The following URGCP variants were observed in gnomAD, a reference collection of about 807,000 sequenced individuals.
URGCP encodes the protein up-regulator of cell proliferation.
Under a neutral mutation model 24.6 loss-of-function variants are expected in URGCP, and 13 were observed. The observed-to-expected ratio is 0.53, with a 90% CI of 0.34 to 0.84. The LOEUF is 0.84. Ranked by LOEUF, URGCP falls within the 40% of genes least tolerant of loss-of-function variation. The probability of loss-of-function intolerance (pLI) is 0.01; values close to 1 mark genes in which losing one functional copy is unlikely to be tolerated. For missense variants in URGCP, 899 were observed against 1,194.3 expected (o/e 0.75, Z 3.64); for synonymous variants, 444 against 487.2 (o/e 0.91, Z 1.17).
chr7:43,900,181 C>T (rs907079679), intron 1 of URGCP, among the ~76,000 whole-genome samples: 3 of 151,010 alleles, frequency 2.0e-5, no homozygotes, highest in Admixed American at 6.6e-5. Flanking sequence ...CAGCCGGGCG[C>T]GGTGGCTCAT....
chr7:43,893,952 T>G (rs2095874755), intron 1 of URGCP, among the ~76,000 whole-genome samples: 1 of 152,130 alleles, frequency 6.6e-6, no homozygotes. Flanking sequence ...GTAGCTATAC[T>G]TAGACAAAAT....
At position 43,881,977 on chromosome 7, in the gene URGCP, A is replaced by G; in HGVS notation, c.113-20T>C. 1 of 1,614,048 alleles carries G rather than the reference A, an allele frequency of 6.2e-7. No individual in the cohort carries two copies. The highest frequency in any genetic ancestry group is 8.5e-7 in the Non-Finnish European group (1 of 1,180,006). ...CCAAATCTAGAAGAAAAAAGAAACC[A>G]AATACATTTAGTTTCATCAGCAAGT... On this transcript the variant is annotated intron_variant, in intron 3 of 5. Coordinates refer to ENST00000453200, the MANE Select transcript of URGCP (RefSeq NM_001077663.3).
upstream of URGCP, among the ~76,000 whole-genome samples, chr7:43,908,610 A>C (rs1052039575): frequency 7.2e-5 from 11 of 152,198 alleles, no homozygotes; most frequent in African/African-American, 2.4e-4. Context: ...TGTAAGACCA[A>C]GAATGTAACC....
At chr7:43,896,736 A>C (rs767530368) in intron 1 of URGCP, among the ~76,000 whole-genome samples, 14 of 152,226 alleles carry the variant, frequency 9.2e-5, no homozygotes, top group Non-Finnish European at 1.5e-5. Flanking sequence ...AAACACTACA[A>C]ACACACATAT....
In URGCP at chr7:43,878,977, A is replaced by G. The variant is rs2095849940; in HGVS notation, c.486T>C (p.Asp162=). The change falls in exon 6 of 6, where the codon GAT becomes GAC. Residue 162 remains aspartate, a synonymous_variant. Coordinates refer to ENST00000453200, the MANE Select transcript of URGCP (RefSeq NM_001077663.3). The surrounding 1 kb of genome is among the most constrained non-coding windows in gnomAD (Gnocchi z 5.6). The part of the protein sequence containing the change: ...EEEIIYWDPA[D]DLAADIYSFS... ...AGGAATAAATGTCGGCAGCAAGGTCATCAGCTGGGTCCCAGTAGATGATCT... is the reference window on the plus strand; with the variant it reads ...AGGAATAAATGTCGGCAGCAAGGTCGTCAGCTGGGTCCCAGTAGATGATCT... The G allele has an allele frequency of 1.2e-6, 2 of 1,614,110 alleles. No individual in the cohort carries two copies. The highest frequency in any genetic ancestry group is 1.3e-5 in the African/African-American group (1 of 74,940).
intron 3 of URGCP, among the ~76,000 whole-genome samples, chr7:43,882,558 T>G (rs2095855552): frequency 6.6e-6 from 1 of 151,510 alleles, no homozygotes. Flanking sequence ...CAGTGAGCTG[T>G]GATTGCACCA....
intron 4 of URGCP, 22 bp from the exon 5 acceptor site, chr7:43,881,719 A>T (rs769557390): frequency 1.2e-6 from 2 of 1,614,148 alleles, no homozygotes; most frequent in Admixed American, 3.3e-5. Flanking sequence ...GCAATGGAAA[A>T]TGAAGTGTCA....
chr7:43,911,908 A>T (rs1316008387), intron 1 of URGCP, among the ~76,000 whole-genome samples: 1 of 152,212 alleles, frequency 6.6e-6, no homozygotes, highest in Non-Finnish European at 1.5e-5. Flanking sequence ...ACCTCACAAC[A>T]GGAAGAAAAC....
At chr7:43,883,002 G>A (rs1001907477) in intron 3 of URGCP, among the ~76,000 whole-genome samples, 4 of 152,134 alleles carry the variant, frequency 2.6e-5, no homozygotes, top group African/African-American at 7.2e-5. Flanking sequence ...CAAATACACA[G>A]AGGTGAGGTG....
upstream of URGCP, among the ~76,000 whole-genome samples, chr7:43,911,612 G>C (rs1764790174): frequency 6.6e-6 from 1 of 152,102 alleles, no homozygotes; most frequent in Non-Finnish European, 1.5e-5. Context: ...CAGGAAAATT[G>C]CTTGAACCTG....
At chr7:43,880,364 C>T (rs1209128938) in intron 5 of URGCP, among the ~76,000 whole-genome samples, 2 of 152,204 alleles carry the variant, frequency 1.3e-5, no homozygotes, top group Non-Finnish European at 2.9e-5. Flanking sequence ...AGTATTGCTA[C>T]CTCTGAAGAT....
At chr7:43,880,748 A>T (rs748846122) in intron 5 of URGCP, among the ~76,000 whole-genome samples, 7 of 152,256 alleles carry the variant, frequency 4.6e-5, no homozygotes, top group Non-Finnish European at 1.0e-4. Context: ...ATGTTAATGC[A>T]TGAAGTAAAT....
At chr7:43,880,319 A>G (rs2095851929) in intron 5 of URGCP, among the ~76,000 whole-genome samples, 2 of 152,228 alleles carry the variant, frequency 1.3e-5, no homozygotes. Context: ...ATCACCCTAT[A>G]CAATATAAGA....
In URGCP at chr7:43,876,395, T is replaced by A; in HGVS notation, c.*272A>T. On this transcript the variant is annotated 3_prime_UTR_variant, in exon 6 of 6. Transcript: ENST00000453200. ...TATACAGAGGGCCCACCCCGCAGGATCCTTGACAGGAGCTGAGACAGAACA... is the reference window on the plus strand; with the variant it reads ...TATACAGAGGGCCCACCCCGCAGGAACCTTGACAGGAGCTGAGACAGAACA... 2.1e-6 allele frequency: 1 copy of A among 466,898 alleles called. No individual in the cohort carries two copies. Among genetic ancestry groups the A allele is most frequent in the Non-Finnish European group, 3.9e-6 (1 of 258,546 alleles). 28.9% of individuals were successfully genotyped at this position (466,898 alleles called of 1,614,324 possible). A position where few individuals can be genotyped will look rare whatever the true frequency, so the allele number is the denominator to read the frequency against.
intron 1 of URGCP, chr7:43,918,792 C>T: frequency 9.7e-7 from 1 of 1,034,564 alleles, no homozygotes; most frequent in Non-Finnish European, 1.5e-6. Context: ...TGGTATCAGC[C>T]CCAAGGGCAC....
chr7:43,926,493 G>GCCCCGGCCGGGCCGCCCGGGT (rs1217398058), upstream of URGCP: 2 of 1,483,818 alleles, frequency 1.3e-6, no homozygotes, highest in Non-Finnish European at 1.8e-6. Flanking sequence ...GCCTCAGGCA[G>GCCCCGGCCGGGCCGCCCGGGT]CCCCGGCCGG....
intron 1 of URGCP, among the ~76,000 whole-genome samples, chr7:43,891,322 T>G (rs1185695658): frequency 6.6e-6 from 1 of 152,126 alleles, no homozygotes; most frequent in Admixed American, 6.5e-5. Flanking sequence ...ACCAGACAAA[T>G]ACAGGTACAA....
At chr7:43,884,540 A>AT (rs1377703999) in intron 3 of URGCP, among the ~76,000 whole-genome samples, 1 of 152,130 alleles carries the variant, frequency 6.6e-6, no homozygotes, top group Non-Finnish European at 1.5e-5. Context: ...CATTAAAACC[A>AT]TTTTCAAGCC....
intron 1 of URGCP, among the ~76,000 whole-genome samples, chr7:43,892,169 T>C (rs116635963): frequency 0.017 from 2,518 of 151,840 alleles, 63 homozygotes; most frequent in African/African-American, 0.057. Context: ...CCTCCTGCCT[T>C]GGCTTCCCAA....
Sources: gnomAD v4.1 joint callset for allele counts (sites outside exome capture counted in the v4.1 genomes callset) on GRCh38, gnomAD v4.1.1 for gene constraint, Gnocchi (gnomAD v3.1) non-coding constraint, MANE v1.5 for transcripts, NCBI Gene and HGNC (gene_info 2026-07-23, HGNC 2026-07-21) for gene names.